Variants in GRID2 observed in about 807,000 individuals in gnomAD.
GRID2 encodes glutamate receptor ionotropic, delta-2.
A neutral mutation model predicts 114.8 loss-of-function variants in GRID2; 33 were observed. The observed-to-expected ratio is 0.29, with a 90% CI of 0.22 to 0.38. The LOEUF (loss-of-function observed/expected upper bound fraction) is 0.38. Ranked by LOEUF, GRID2 falls within the 10% of genes least tolerant of loss-of-function variation. The pLI is 1.00. For missense variants in GRID2, 1,184 were observed against 1,257.7 expected (o/e 0.94, Z 0.89); for synonymous variants, 505 against 449.9 (o/e 1.12, Z -1.55).
At chr4:93,207,015 G>A (rs551937742) in intron 4 of GRID2, among the ~76,000 whole-genome samples, 56 of 152,166 alleles carry the variant, frequency 3.7e-4, no homozygotes, top group African/African-American at 1.3e-3. Context: ...TATGTACTTT[G>A]ATATTTATTA....
intron 11 of GRID2, among the ~76,000 whole-genome samples, chr4:93,486,434 A>C (rs1287543493): frequency 6.6e-6 from 1 of 151,680 alleles, no homozygotes; most frequent in Non-Finnish European, 1.5e-5. Flanking sequence ...GACAGTCAAA[A>C]ATTTTTATTT....
rs563181190 is a variant in GRID2 at position 93,793,029 on chromosome 4, A to G, written c.222-13686A>G. Among the ~76,000 whole-genome samples, 45 of 152,216 alleles carry G rather than the reference A, an allele frequency of 3.0e-4. No individual in the cohort carries two copies. In the South Asian group the frequency reaches 7.3e-3, roughly 25 times the overall value. On this transcript the variant is annotated intron_variant, in intron 1 of 1. Coordinates refer to the GRID2 transcript ENST00000637838. The stretch of plus-strand genomic sequence containing the variant: ...TCCTTTATAAGTATCTTTTTAACCT[A>G]TTTTTCAATGGAAACTGTATTGTTT...
intron 9 of GRID2, among the ~76,000 whole-genome samples, chr4:93,415,437 T>C (rs1767609647): frequency 6.6e-6 from 1 of 152,104 alleles, no homozygotes; most frequent in African/African-American, 2.4e-5. Context: ...CCAGCACTCA[T>C]ACTCAAAACG....
intron 1 of GRID2, among the ~76,000 whole-genome samples, chr4:92,407,991 C>T (rs1731105920): frequency 6.6e-6 from 1 of 152,052 alleles, no homozygotes; most frequent in African/African-American, 2.4e-5. Flanking sequence ...TGGGCTTAGC[C>T]ATAAATTCCT....
intron 1 of GRID2, among the ~76,000 whole-genome samples, chr4:92,570,172 A>G (rs977988852): frequency 4.5e-4 from 69 of 152,124 alleles, no homozygotes; most frequent in African/African-American, 1.6e-3. Context: ...AGTCTTCTGC[A>G]TATGGCTAGC....
intron 2 of GRID2, among the ~76,000 whole-genome samples, chr4:93,000,572 T>C (rs1338846540): frequency 1.3e-5 from 2 of 151,668 alleles, no homozygotes; most frequent in African/African-American, 4.8e-5. Flanking sequence ...ATTAAAATGT[T>C]ATTTTGTTAA....
chr4:92,567,221 TTTC>T (rs1727380141), intron 1 of GRID2, among the ~76,000 whole-genome samples: 1 of 151,988 alleles, frequency 6.6e-6, no homozygotes, highest in African/African-American at 2.4e-5. Context: ...AATGGTGTCA[TTTC>T]TTCTTTTTTG....
chr4:92,469,895 C>G (rs1400003435), intron 1 of GRID2, among the ~76,000 whole-genome samples: 4 of 151,656 alleles, frequency 2.6e-5, no homozygotes. Context: ...AGAATATTTT[C>G]ACAATAGTAA....
chr4:93,102,280 T>C (rs1219101095), intron 3 of GRID2, among the ~76,000 whole-genome samples: 2 of 152,222 alleles, frequency 1.3e-5, no homozygotes, highest in Non-Finnish European at 2.9e-5. Context: ...TGATTATCCA[T>C]ATTTCACATT....
intron 1 of GRID2, among the ~76,000 whole-genome samples, chr4:92,507,532 T>A (rs1724038637): frequency 6.6e-6 from 1 of 151,816 alleles, no homozygotes; most frequent in African/African-American, 2.4e-5. Flanking sequence ...AACCCCTATG[T>A]AGTTAATTTC....
rs182114110 is a variant in GRID2 at position 93,555,780 on chromosome 4, G to A, written c.2193+40369G>A. 1.7e-3 allele frequency among the ~76,000 whole-genome samples: 256 copies of A among 152,304 alleles called. 1 individual carries two copies. The highest frequency in any genetic ancestry group is 3.1e-3 in the Non-Finnish European group (210 of 68,024). ...GCTAAGGGACAGACTTCCTCCTCAAGTGGGTCCCTGACCCTTGTGCCTCCT... is the reference window on the plus strand; with the variant it reads ...GCTAAGGGACAGACTTCCTCCTCAAATGGGTCCCTGACCCTTGTGCCTCCT... On this transcript the variant is annotated intron_variant, in intron 13 of 15. Coordinates refer to ENST00000282020, the MANE Select transcript of GRID2 (RefSeq NM_001510.4).
At chr4:93,266,269 C>A (rs536019818) in intron 8 of GRID2, among the ~76,000 whole-genome samples, 3 of 152,030 alleles carry the variant, frequency 2.0e-5, no homozygotes, top group African/African-American at 7.2e-5. Context: ...CAATTTTATT[C>A]GAGGACCTAC....
intron 1 of GRID2, among the ~76,000 whole-genome samples, chr4:92,476,664 CACTA>C (rs1326967056): frequency 2.0e-5 from 3 of 152,090 alleles, no homozygotes; most frequent in Admixed American, 1.3e-4. Context: ...TACTTATAAC[CACTA>C]ACTAAAGAAA....
chr4:93,176,776 G>T lies in GRID2; in HGVS notation c.736-30628G>T, dbSNP rs149904808. 4.2e-3 allele frequency among the ~76,000 whole-genome samples: 636 copies of T among 152,248 alleles called. 8 individuals carry two copies. Among genetic ancestry groups the T allele is most frequent in the African/African-American group, 0.015 (613 of 41,538 alleles). On this transcript the variant is annotated intron_variant, in intron 4 of 15. Transcript: ENST00000282020. ...CTTGACAGAAGTCCAGTTTAACACA[G>T]AATTCTCAGCCGTATTTTACCTTTG...
chr4:93,252,070 A>G (rs1162882082), intron 8 of GRID2, among the ~76,000 whole-genome samples: 1 of 152,100 alleles, frequency 6.6e-6, no homozygotes, highest in African/African-American at 2.4e-5. Flanking sequence ...GTCTTCCACA[A>G]TCTGATCCCA....
chr4:93,535,950 A>G (rs1219012543), intron 13 of GRID2, among the ~76,000 whole-genome samples: 1 of 151,886 alleles, frequency 6.6e-6, no homozygotes, highest in African/African-American at 2.4e-5. Context: ...CTTTTGGTGT[A>G]ATAGCCAAAA....
chr4:92,925,999 G>T (rs914212575), intron 2 of GRID2, among the ~76,000 whole-genome samples: 12 of 151,838 alleles, frequency 7.9e-5, no homozygotes, highest in African/African-American at 2.7e-4. Flanking sequence ...TTCCAATTCT[G>T]TTTACTACAG....
chr4:92,675,861 C>T (rs1036036891), intron 2 of GRID2, among the ~76,000 whole-genome samples: 5 of 151,442 alleles, frequency 3.3e-5, no homozygotes, highest in East Asian at 2.0e-4. Context: ...GCCTGAGCTA[C>T]CATTTTTTTA....
chr4:92,836,556 T>C (rs1352997249), intron 2 of GRID2, among the ~76,000 whole-genome samples: 1 of 151,804 alleles, frequency 6.6e-6, no homozygotes, highest in East Asian at 1.9e-4. Context: ...AAACAGAAAA[T>C]ATTTGCATTG....
Sources: allele counts gnomAD v4.1 joint callset (sites outside exome capture counted in the v4.1 genomes callset), GRCh38; gene constraint gnomAD v4.1.1; transcripts MANE v1.5; gene names NCBI Gene and HGNC (gene_info 2026-07-23, HGNC 2026-07-21).